GALNTL6: variants seen among roughly 807,000 people sequenced by gnomAD.
GALNTL6 encodes polypeptide N-acetylgalactosaminyltransferase like 6.
Under a neutral mutation model 73.7 loss-of-function variants are expected in GALNTL6, and 46 were observed. The ratio of observed to expected loss-of-function variants is 0.62; its 90% CI spans 0.49 to 0.80. The LOEUF (loss-of-function observed/expected upper bound fraction) is 0.80, where lower values mean the gene tolerates loss of function less well. Ranked by LOEUF, GALNTL6 falls within the 30% of genes least tolerant of loss-of-function variation. The pLI, the probability that GALNTL6 is intolerant of heterozygous loss-of-function variation, is 0.00. For synonymous variants in GALNTL6, 259 were observed against 263.7 expected, an observed-to-expected ratio of 0.98 and a Z score of 0.17; for missense variants, 604 against 755.0, an observed-to-expected ratio of 0.80 and a Z score of 2.34.
chr4:172,259,569 C>T (rs1324094479), intron 3 of GALNTL6, among the ~76,000 whole-genome samples: 5 of 151,336 alleles, frequency 3.3e-5, no homozygotes, highest in Non-Finnish European at 3.0e-5. Flanking sequence ...TATCTGTTTA[C>T]TCTGCTGATT....
At chr4:171,921,211 G>A (rs1737776636) in intron 2 of GALNTL6, among the ~76,000 whole-genome samples, 1 of 151,922 alleles carries the variant, frequency 6.6e-6, no homozygotes, top group African/African-American at 2.4e-5. Context: ...ATCTCATTCG[G>A]AGCAGAAAAG....
At chr4:172,878,224 G>C (rs1273517604) in intron 7 of GALNTL6, among the ~76,000 whole-genome samples, 1 of 151,822 alleles carries the variant, frequency 6.6e-6, no homozygotes, top group African/African-American at 2.4e-5. Context: ...CTCCTGTTTT[G>C]GTGGTGGAGT....
At chr4:172,548,109 T>G (rs1449349671) in intron 5 of GALNTL6, among the ~76,000 whole-genome samples, 1 of 152,118 alleles carries the variant, frequency 6.6e-6, no homozygotes, top group Non-Finnish European at 1.5e-5. Flanking sequence ...ACGGAGAAGG[T>G]TCTATAAATT....
chr4:172,753,606 C>T (rs1340299135), intron 5 of GALNTL6, among the ~76,000 whole-genome samples: 1 of 151,858 alleles, frequency 6.6e-6, no homozygotes, highest in Non-Finnish European at 1.5e-5. Context: ...AGTTGCAACA[C>T]AATTTGAAAC....
chr4:172,800,004 G>A (rs1579498439), intron 5 of GALNTL6, among the ~76,000 whole-genome samples: 1 of 152,122 alleles, frequency 6.6e-6, no homozygotes, highest in Non-Finnish European at 1.5e-5. Flanking sequence ...ACTGAGACAA[G>A]TAGGCCAGTC....
At chr4:172,347,135 G>A (rs372708848) in intron 4 of GALNTL6, among the ~76,000 whole-genome samples, 31 of 151,900 alleles carry the variant, frequency 2.0e-4, no homozygotes, top group Non-Finnish European at 3.1e-4. Context: ...GATGACAGGC[G>A]TGTGCCACCA....
chr4:172,216,142 C>A (rs1736490063), intron 2 of GALNTL6, among the ~76,000 whole-genome samples: 1 of 152,022 alleles, frequency 6.6e-6, no homozygotes, highest in South Asian at 2.1e-4. Context: ...TCTTTATTTA[C>A]ATAAATCTGA....
rs114921293 is a variant in GALNTL6, at chr4:172,886,481, A to C, written c.1041+3574A>C. Among the ~76,000 whole-genome samples, 881 of 152,296 alleles carry C rather than the reference A, an allele frequency of 5.8e-3. 7 individuals carry two copies. Among genetic ancestry groups the C allele is most frequent in the African/African-American group, 0.02 (826 of 41,548 alleles). On this transcript the variant is annotated intron_variant, in intron 8 of 12. Transcript: ENST00000506823. ...TTACATTTGTTTATCTGTTTAAAAA[A>C]TTGGCTGGACGCGGTGGCTCACGAC... is the stretch of plus-strand genomic sequence containing the variant.
chr4:172,275,638 GAGA>G (rs1030214056), intron 3 of GALNTL6, among the ~76,000 whole-genome samples: 1 of 152,182 alleles, frequency 6.6e-6, no homozygotes, highest in African/African-American at 2.4e-5. Context: ...GTAGACAACA[GAGA>G]AGAATAAAAA....
intron 2 of GALNTL6, among the ~76,000 whole-genome samples, chr4:172,048,631 C>T (rs1742283471): frequency 6.6e-6 from 1 of 152,144 alleles, no homozygotes; most frequent in Admixed American, 6.5e-5. Flanking sequence ...ATATTATTTT[C>T]ATGAACTAAA....
Position 172,694,509 on chromosome 4 carries a change from T to C in GALNTL6, c.554-114852T>C, listed in dbSNP as rs1354655532. On this transcript the variant is annotated intron_variant, in intron 5 of 12. Transcript: ENST00000506823. ...TTTATGGCTGCATAGTATTCCGTGGTGTATATATGCCACATTGTCTTTATG... is the reference window on the plus strand; with the variant it reads ...TTTATGGCTGCATAGTATTCCGTGGCGTATATATGCCACATTGTCTTTATG... Among the ~76,000 whole-genome samples the C allele has an allele frequency of 2.0e-5, 3 of 152,198 alleles. No homozygotes were observed. The East Asian group carries it at 5.8e-4, about 29-fold the overall frequency.
chr4:171,838,680 G>C (rs1345802105), intron 2 of GALNTL6, among the ~76,000 whole-genome samples: 1 of 152,074 alleles, frequency 6.6e-6, no homozygotes, highest in Non-Finnish European at 1.5e-5. Context: ...GTTGAGACTG[G>C]ATATATACAT....
intron 2 of GALNTL6, among the ~76,000 whole-genome samples, chr4:171,915,860 C>T (rs949558698): frequency 1.3e-5 from 2 of 152,102 alleles, no homozygotes; most frequent in African/African-American, 4.8e-5. Context: ...GGACTTCTGA[C>T]TTTTCACATA....
chr4:172,272,186 C>G (rs547061210), intron 3 of GALNTL6, among the ~76,000 whole-genome samples: 41 of 152,218 alleles, frequency 2.7e-4, no homozygotes, highest in Non-Finnish European at 4.4e-4. Context: ...AACTCCTGAC[C>G]TCAGGTGGTC....
intron 5 of GALNTL6, among the ~76,000 whole-genome samples, chr4:172,499,537 T>A (rs947818253): frequency 6.6e-6 from 1 of 152,170 alleles, no homozygotes; most frequent in African/African-American, 2.4e-5. Context: ...TTTCATAATA[T>A]AATATCCAAA....
chr4:172,933,446 G>A (rs954213127), intron 9 of GALNTL6, among the ~76,000 whole-genome samples: 1 of 151,940 alleles, frequency 6.6e-6, no homozygotes, highest in Non-Finnish European at 1.5e-5. Context: ...GAGAAACTGG[G>A]GTTGGCACAT....
chr4:172,758,918 A>G (rs1316562864), intron 5 of GALNTL6, among the ~76,000 whole-genome samples: 1 of 152,230 alleles, frequency 6.6e-6, no homozygotes, highest in Non-Finnish European at 1.5e-5. Context: ...GGACAATAAA[A>G]GTCCCAAGGG....
intron 2 of GALNTL6, among the ~76,000 whole-genome samples, chr4:172,162,235 A>G (rs1370991293): frequency 6.6e-6 from 1 of 151,816 alleles, no homozygotes; most frequent in African/African-American, 2.4e-5. Context: ...GAAGGAAGGG[A>G]CACAGTGGGA....
At chr4:172,010,617 G>T (rs747343002) in intron 2 of GALNTL6, among the ~76,000 whole-genome samples, 29 of 151,698 alleles carry the variant, frequency 1.9e-4, no homozygotes, top group Non-Finnish European at 1.5e-5. Flanking sequence ...TAAAGCTGCT[G>T]TGTCTTTCAA....
Sources: gnomAD v4.1 joint callset for allele counts (sites outside exome capture counted in the v4.1 genomes callset) on GRCh38, gnomAD v4.1.1 for gene constraint, MANE v1.5 for transcripts, NCBI Gene and HGNC (gene_info 2026-07-23, HGNC 2026-07-21) for gene names.